The following GPC5 variants were observed in gnomAD, a reference collection of about 807,000 sequenced individuals.
The protein encoded by GPC5 is glypican-5.
A neutral mutation model predicts 53.9 loss-of-function variants in GPC5; 47 were observed. The ratio of observed to expected loss-of-function variants is 0.87; its 90% CI spans 0.69 to 1.11. The LOEUF (loss-of-function observed/expected upper bound fraction) is 1.11, where lower values mean the gene tolerates loss of function less well. Among genes scored for constraint, GPC5 ranks in the 50% most tolerant of loss-of-function variants. GPC5 has a pLI of 0.00. For synonymous variants in GPC5, 286 were observed against 263.3 expected (o/e 1.09, Z -0.84); for missense variants, 748 against 713.1 (o/e 1.05, Z -0.56).
At chr13:91,894,133 C>G (rs769644919) in intron 5 of GPC5, among the ~76,000 whole-genome samples, 5 of 151,942 alleles carry the variant, frequency 3.3e-5, no homozygotes, top group Non-Finnish European at 7.4e-5. Context: ...GTTCCATCAC[C>G]CTAAGCAATT....
intron 5 of GPC5, among the ~76,000 whole-genome samples, chr13:91,808,908 G>T (rs1263597900): frequency 6.6e-6 from 1 of 152,110 alleles, no homozygotes; most frequent in Admixed American, 6.6e-5. Context: ...ACTTAGTTTT[G>T]CAGCTCTTGC....
At chr13:92,153,610 G>C (rs922254272) in intron 7 of GPC5, among the ~76,000 whole-genome samples, 1 of 152,162 alleles carries the variant, frequency 6.6e-6, no homozygotes, top group African/African-American at 2.4e-5. Context: ...ATGTGCAAGA[G>C]GATGCAGGAT....
chr13:92,046,995 A>C (rs2040987213), intron 6 of GPC5, among the ~76,000 whole-genome samples: 1 of 152,204 alleles, frequency 6.6e-6, no homozygotes, highest in African/African-American at 2.4e-5. Flanking sequence ...CATTAAATGC[A>C]GTAGATTTAA....
chr13:92,297,025 G>A (rs2043041148), intron 7 of GPC5, among the ~76,000 whole-genome samples: 1 of 152,184 alleles, frequency 6.6e-6, no homozygotes, highest in Admixed American at 6.5e-5. Flanking sequence ...CAGTCCCATT[G>A]ACCACCCAAG....
At chr13:92,821,620 G>T (rs1054648146) in intron 7 of GPC5, among the ~76,000 whole-genome samples, 5 of 152,108 alleles carry the variant, frequency 3.3e-5, no homozygotes, top group Non-Finnish European at 7.4e-5. Flanking sequence ...GCCACAGGAT[G>T]CATTTCCTCA....
intron 7 of GPC5, among the ~76,000 whole-genome samples, chr13:92,385,519 C>CATGCATATATACAT (rs1874618225): frequency 1.3e-5 from 1 of 74,182 alleles, no homozygotes; most frequent in East Asian, 4.5e-4. Flanking sequence ...TATATACATA[C>CATGCATATATACAT]ATATGCATAT....
chr13:92,183,220 A>C (rs915307712), intron 7 of GPC5, among the ~76,000 whole-genome samples: 41 of 152,164 alleles, frequency 2.7e-4, no homozygotes, highest in African/African-American at 9.9e-4. Flanking sequence ...TTGCATTAAA[A>C]TTCTAGTTCA....
At chr13:92,042,727 A>G (rs1566409153) in intron 6 of GPC5, among the ~76,000 whole-genome samples, 1 of 152,206 alleles carries the variant, frequency 6.6e-6, no homozygotes. Flanking sequence ...ATGCGCAAGA[A>G]AAAAATCAGG....
Position 92,343,317 on chromosome 13 carries a change from G to A in GPC5, c.1561+198328G>A, listed in dbSNP as rs532408067. ...TGCAAATTAGTGATAGAATTTGGAA[G>A]AGCAAGTGAGATTCAATTGCCCTAT... is the stretch of plus-strand genomic sequence containing the variant. On this transcript the variant is annotated intron_variant, in intron 7 of 7. Transcript: ENST00000377067. Among the ~76,000 whole-genome samples the A allele has an allele frequency of 3.0e-4, 45 of 152,286 alleles. 1 individual carries two copies. The highest frequency in any genetic ancestry group is 2.7e-3 in the South Asian group (13 of 4,824).
At chr13:92,290,940 G>A (rs940978960) in intron 7 of GPC5, among the ~76,000 whole-genome samples, 3 of 152,182 alleles carry the variant, frequency 2.0e-5, no homozygotes, top group Non-Finnish European at 2.9e-5. Flanking sequence ...GGGCCAGCGT[G>A]AGTTCTGGGT....
At chr13:92,017,462 A>G (rs2040717085) in intron 6 of GPC5, among the ~76,000 whole-genome samples, 1 of 152,122 alleles carries the variant, frequency 6.6e-6, no homozygotes, top group African/African-American at 2.4e-5. Context: ...TTCATGCCAC[A>G]GTGTCCTTTG....
chr13:91,834,114 G>T (rs1392514068), intron 5 of GPC5, among the ~76,000 whole-genome samples: 1 of 152,010 alleles, frequency 6.6e-6, no homozygotes, highest in African/African-American at 2.4e-5. Flanking sequence ...AACACACAGA[G>T]AGCCAAATCA....
intron 7 of GPC5, among the ~76,000 whole-genome samples, chr13:92,623,923 C>G (rs1400098049): frequency 6.6e-6 from 1 of 151,286 alleles, no homozygotes; most frequent in Non-Finnish European, 1.5e-5. Flanking sequence ...GGCGCGATCT[C>G]GACTCACTGC....
At chr13:92,527,215 AAG>A (rs1349236030) in intron 7 of GPC5, among the ~76,000 whole-genome samples, 1 of 37,730 alleles carries the variant, frequency 2.7e-5, no homozygotes, top group Non-Finnish European at 4.2e-5. Flanking sequence ...GAAAGAAAGA[AAG>A]AAAGAAAGAA....
rs377690048 is a variant in GPC5, at chr13:92,775,867, T to C, written c.1562-90415T>C. Reference sequence around the variant, plus strand: ...AGCCTGTTGTTTGTAATCTGTCATTTTTCATGTTCTTGATGAAATCTTCAT... The same window carrying C: ...AGCCTGTTGTTTGTAATCTGTCATTCTTCATGTTCTTGATGAAATCTTCAT... On this transcript the variant is annotated intron_variant, in intron 7 of 7. Transcript: ENST00000377067. Among the ~76,000 whole-genome samples, 10 of 152,332 alleles carry C rather than the reference T, an allele frequency of 6.6e-5. No homozygotes were observed. The South Asian group carries it at 1.4e-3, about 22-fold the overall frequency.
At chr13:92,626,123 T>C (rs191879059) in intron 7 of GPC5, among the ~76,000 whole-genome samples, 55 of 152,348 alleles carry the variant, frequency 3.6e-4, no homozygotes, top group Non-Finnish European at 7.6e-4. Context: ...AATAACTTTT[T>C]CTATACTTAC....
intron 4 of GPC5, among the ~76,000 whole-genome samples, chr13:91,734,348 GGTAA>G (rs1424770462): frequency 6.6e-6 from 1 of 151,324 alleles, no homozygotes; most frequent in Non-Finnish European, 1.5e-5. Flanking sequence ...TTGTGCGATG[GGTAA>G]GTATGTCTAG....
chr13:91,426,905 A>G (rs982924884), intron 1 of GPC5, among the ~76,000 whole-genome samples: 2 of 152,340 alleles, frequency 1.3e-5, no homozygotes, highest in African/African-American at 4.8e-5. Flanking sequence ...CTAAATATTA[A>G]CCATCACATG....
intron 7 of GPC5, among the ~76,000 whole-genome samples, chr13:92,456,442 T>C (rs1459397044): frequency 6.6e-6 from 1 of 152,206 alleles, no homozygotes. Context: ...TTTACTTCCT[T>C]TCCTTCAGCA....
Sources: allele counts gnomAD v4.1 joint callset (sites outside exome capture counted in the v4.1 genomes callset), GRCh38; gene constraint gnomAD v4.1.1; transcripts MANE v1.5; gene names NCBI Gene and HGNC (gene_info 2026-07-23, HGNC 2026-07-21).